SLC30A6: variants seen among roughly 807,000 people sequenced by gnomAD.
SLC30A6 encodes zinc transporter 6.
In SLC30A6, 55 loss-of-function variants were observed where a neutral mutation model predicts 63.0. The observed-to-expected ratio is 0.87, with a 90% CI of 0.70 to 1.09. SLC30A6 has a LOEUF of 1.09. SLC30A6 is among the 50% of genes least tolerant of loss of function. The probability of loss-of-function intolerance (pLI) is 0.00; values close to 1 mark genes in which losing one functional copy is unlikely to be tolerated. For missense variants in SLC30A6, 587 were observed against 549.2 expected (o/e 1.07, Z -0.69); for synonymous variants, 224 against 186.1 (o/e 1.20, Z -1.66).
At chr2:32,204,771 T>C (rs1188595793) in intron 11 of SLC30A6, 79 bp downstream of exon 11, 5 of 645,662 alleles carry the variant, frequency 7.7e-6, no homozygotes, top group Middle Eastern at 2.8e-4. Context: ...TGTGTTGTTC[T>C]ACAAGATTGT....
At chr2:32,195,277 A>G (rs375842644) in intron 8 of SLC30A6, among the ~76,000 whole-genome samples, 8 of 152,232 alleles carry the variant, frequency 5.3e-5, no homozygotes, top group Non-Finnish European at 1.0e-4. Flanking sequence ...CATGTTGGCC[A>G]GGCTGGTCTC....
chr2:32,170,001 C>T (rs1410812263), intron 1 of SLC30A6, among the ~76,000 whole-genome samples: 1 of 152,082 alleles, frequency 6.6e-6, no homozygotes, highest in East Asian at 1.9e-4. Context: ...GAAAATTGGC[C>T]TATTGTCTGT....
chr2:32,175,822 A>C (rs1285747588), intron 4 of SLC30A6, among the ~76,000 whole-genome samples: 1 of 151,984 alleles, frequency 6.6e-6, no homozygotes, highest in Non-Finnish European at 1.5e-5. Context: ...CTAAAAATAC[A>C]AATAGCCAGG....
At chr2:32,201,356 C>CT (rs1684278633) in intron 10 of SLC30A6, among the ~76,000 whole-genome samples, 1 of 152,168 alleles carries the variant, frequency 6.6e-6, no homozygotes. Flanking sequence ...ATAAAAAATT[C>CT]CTGGAGAATC....
intron 13 of SLC30A6, among the ~76,000 whole-genome samples, chr2:32,212,266 A>G (rs1685315834): frequency 1.3e-5 from 2 of 151,756 alleles, no homozygotes; most frequent in African/African-American, 4.8e-5. Context: ...ATTCTGATTT[A>G]TGGTCTTGTT....
At chr2:32,191,693 C>G (rs1474586900) in intron 5 of SLC30A6, among the ~76,000 whole-genome samples, 1 of 151,992 alleles carries the variant, frequency 6.6e-6, no homozygotes, top group African/African-American at 2.4e-5. Flanking sequence ...TAAACAGTTA[C>G]TTTTCTTCTT....
chr2:32,175,746 C>T (rs1319088690), intron 4 of SLC30A6, among the ~76,000 whole-genome samples: 3 of 152,034 alleles, frequency 2.0e-5, no homozygotes, highest in East Asian at 1.9e-4. Context: ...GAGGCCGAGG[C>T]GGGTGGATCA....
chr2:32,184,370 T>G (rs1196909014), intron 5 of SLC30A6, 32 bp downstream of exon 5: 1 of 1,262,392 alleles, frequency 7.9e-7, no homozygotes, highest in South Asian at 1.6e-5. Context: ...TTCTGCTAAC[T>G]TATGACTACT....
chr2:32,206,914 T>G lies in SLC30A6; in HGVS notation c.797T>G (p.Leu266Trp). ...ACACCACCCCATGTTATTGGTCAGT[T>G]GGACAAACTCATCAGAGAGGTAAGA... ...QTTPPHVIGQLDKLIREVSTL... is the reference protein window; with the variant it reads ...QTTPPHVIGQWDKLIREVSTL... The change falls in exon 12 of 14, where the codon TTG becomes TGG. Residue 266 changes from leucine (L) to tryptophan (W), a missense_variant. Physicochemically the swap from Leu to Trp is moderately conservative, Grantham distance 61. Transcript: ENST00000282587. 2 of 1,610,852 alleles carry G rather than the reference T, an allele frequency of 1.2e-6. No individual in the cohort carries two copies. Among genetic ancestry groups the G allele is most frequent in the Non-Finnish European group, 8.5e-7 (1 of 1,177,112 alleles).
intron 5 of SLC30A6, chr2:32,187,178 C>T (rs1418439599): frequency 8.5e-6 from 4 of 470,876 alleles, no homozygotes; most frequent in Non-Finnish European, 1.8e-5. Context: ...ATGTCCTGTT[C>T]AGTCTCTCAG....
At chr2:32,210,125 G>A (rs1261919804) in intron 13 of SLC30A6, among the ~76,000 whole-genome samples, 3 of 152,084 alleles carry the variant, frequency 2.0e-5, no homozygotes, top group Non-Finnish European at 4.4e-5. Context: ...GGAATGATGA[G>A]GAAAATACAG....
At chr2:32,179,816 TAAAC>T (rs1045206564) in intron 4 of SLC30A6, among the ~76,000 whole-genome samples, 3 of 152,170 alleles carry the variant, frequency 2.0e-5, no homozygotes, top group African/African-American at 4.8e-5. Flanking sequence ...ATAGGAAAGA[TAAAC>T]AAACTGATAA....
rs1411302154 is a variant in SLC30A6 at position 32,197,466 on chromosome 2, T to G, written c.545+74T>G. ...AAGAAATGCATCTATCATGGGAACT[T>G]AAATTATTCGTTGCTGAGGTTACTA... On this transcript the variant is annotated intron_variant, in intron 9 of 13. Coordinates refer to ENST00000282587, the MANE Select transcript of SLC30A6 (RefSeq NM_017964.5). 9 of 1,441,180 alleles carry G rather than the reference T, an allele frequency of 6.2e-6. No individual in the cohort carries two copies. The Admixed American group carries it at 1.4e-4, about 22-fold the overall frequency. 89.3% of individuals were successfully genotyped at this position (1,441,180 alleles called of 1,614,324 possible).
In SLC30A6 at chr2:32,171,381, A is replaced by C; in HGVS notation, c.90+8A>C. ...GTAGCAGCTGACCGAAGGGTAAGTT[A>C]TTCCTTAACCCCAATTTTAATTATT... is the stretch of plus-strand genomic sequence containing the variant. On this transcript the variant is annotated splice_region_variant and intron_variant, in intron 2 of 13. Coordinates refer to ENST00000282587, the MANE Select transcript of SLC30A6 (RefSeq NM_017964.5). The C allele has an allele frequency of 6.2e-7, 1 of 1,606,540 alleles. No homozygotes were observed. The highest frequency in any genetic ancestry group is 1.1e-5 in the South Asian group (1 of 90,912).
chr2:32,207,372 A>G (rs1684863030), intron 12 of SLC30A6, among the ~76,000 whole-genome samples: 1 of 151,122 alleles, frequency 6.6e-6, no homozygotes, highest in Admixed American at 6.6e-5. Flanking sequence ...CACCATGCCC[A>G]GCTAACTTTT....
At chr2:32,171,792 A>C (rs1681243220) in intron 2 of SLC30A6, among the ~76,000 whole-genome samples, 1 of 151,978 alleles carries the variant, frequency 6.6e-6, no homozygotes, top group Admixed American at 6.6e-5. Context: ...TCCCGGGTTC[A>C]AGCGATTCTC....
chr2:32,209,409 TTAAAC>T (rs1558420846), intron 12 of SLC30A6, 79 bp from the exon 13 acceptor site: 13 of 1,096,508 alleles, frequency 1.2e-5, no homozygotes, highest in South Asian at 1.5e-5. Context: ...ATTCTTAAGT[TTAAAC>T]TAAGTCCATA....
intron 10 of SLC30A6, among the ~76,000 whole-genome samples, chr2:32,198,966 A>G (rs1296771759): frequency 1.3e-5 from 2 of 152,018 alleles, no homozygotes; most frequent in Non-Finnish European, 2.9e-5. Context: ...CTTAAATTCC[A>G]TGCTCATTAA....
intron 13 of SLC30A6, among the ~76,000 whole-genome samples, chr2:32,215,646 G>A (rs893168297): frequency 6.6e-6 from 1 of 150,550 alleles, no homozygotes. Context: ...GATAAATATT[G>A]TCATCCTTGA....
Sources: allele counts gnomAD v4.1 joint callset (sites outside exome capture counted in the v4.1 genomes callset), GRCh38; gene constraint gnomAD v4.1.1; transcripts MANE v1.5; gene names NCBI Gene and HGNC (gene_info 2026-07-23, HGNC 2026-07-21).